ADAMTS6: variants seen among roughly 807,000 people sequenced by gnomAD.
ADAMTS6 encodes the protein A disintegrin and metalloproteinase with thrombospondin motifs 6.
ADAMTS6 carries 23 observed loss-of-function variants against 144.3 expected under a neutral mutation model. That is an observed-to-expected ratio of 0.16 (90% CI 0.11 to 0.23). The LOEUF is 0.23. Among genes scored for constraint, ADAMTS6 ranks in the 10% least tolerant of loss-of-function variants. The pLI is 1.00. For missense variants in ADAMTS6, 999 were observed against 1,379.6 expected, an observed-to-expected ratio of 0.72 and a Z score of 4.37; for synonymous variants, 444 against 457.5, an observed-to-expected ratio of 0.97 and a Z score of 0.38.
At chr5:65,373,352 A>T (rs201137540) in intron 7 of ADAMTS6, among the ~76,000 whole-genome samples, 11 of 149,054 alleles carry the variant, frequency 7.4e-5, no homozygotes, top group African/African-American at 2.5e-4. Flanking sequence ...AAAATTGATA[A>T]ACAGCTAGCA....
At chr5:65,343,429 A>T (rs1315139149) in intron 7 of ADAMTS6, among the ~76,000 whole-genome samples, 5 of 152,124 alleles carry the variant, frequency 3.3e-5, no homozygotes, top group Admixed American at 1.3e-4. Context: ...AGGTGCCAAG[A>T]ACACTCATTG....
chr5:65,373,731 A>G (rs930944388), intron 7 of ADAMTS6, among the ~76,000 whole-genome samples: 3 of 152,220 alleles, frequency 2.0e-5, no homozygotes, highest in African/African-American at 7.2e-5. Context: ...CAATAGAAAT[A>G]GAGGGAATCC....
At chr5:65,159,323 G>GT (rs894025007) in intron 24 of ADAMTS6, among the ~76,000 whole-genome samples, 12 of 151,738 alleles carry the variant, frequency 7.9e-5, no homozygotes, top group African/African-American at 2.4e-4. Flanking sequence ...TCAAACCCCA[G>GT]TTTTTTTTCA....
intron 11 of ADAMTS6, among the ~76,000 whole-genome samples, chr5:65,285,059 G>C (rs1303247038): frequency 6.6e-6 from 1 of 152,110 alleles, no homozygotes; most frequent in East Asian, 1.9e-4. Flanking sequence ...AAGAGAAAAG[G>C]GAAAAGAGGA....
intron 9 of ADAMTS6, among the ~76,000 whole-genome samples, chr5:65,309,100 C>A (rs1744224476): frequency 6.6e-6 from 1 of 151,416 alleles, no homozygotes; most frequent in Non-Finnish European, 1.5e-5. Context: ...AACTTTTCCA[C>A]AGACCAGGGT....
chr5:65,321,311 C>CT (rs1184482150), intron 9 of ADAMTS6, among the ~76,000 whole-genome samples: 1 of 151,866 alleles, frequency 6.6e-6, no homozygotes, highest in Non-Finnish European at 1.5e-5. Context: ...TGATGTTGAG[C>CT]TTTTTTTTCA....
chr5:65,224,511 C>T, intron 17 of ADAMTS6, 111 bp from the exon 18 acceptor site: 3 of 951,236 alleles, frequency 3.2e-6, no homozygotes, highest in South Asian at 1.5e-5. Flanking sequence ...TTTGACTTTG[C>T]ATTTTATGAA....
chr5:65,181,131 T>C (rs1321269137), intron 22 of ADAMTS6, among the ~76,000 whole-genome samples: 1 of 152,248 alleles, frequency 6.6e-6, no homozygotes, highest in Non-Finnish European at 1.5e-5. Context: ...TCTTACTAAG[T>C]GTTTTCTGGA....
intron 12 of ADAMTS6, among the ~76,000 whole-genome samples, chr5:65,264,301 C>G (rs1173338718): frequency 6.6e-6 from 1 of 152,292 alleles, no homozygotes; most frequent in Middle Eastern, 3.4e-3. Context: ...CAGCCCCATT[C>G]TCTCTCTTAC....
At chr5:65,479,161 C>T (rs1182502844) in intron 1 of ADAMTS6, among the ~76,000 whole-genome samples, 1 of 152,160 alleles carries the variant, frequency 6.6e-6, no homozygotes, top group Non-Finnish European at 1.5e-5. Context: ...AACAACAATA[C>T]CATGCTCCTT....
At chr5:65,409,794 T>C (rs2886998) in intron 7 of ADAMTS6, among the ~76,000 whole-genome samples, 92,462 of 152,012 alleles carry the variant, frequency 0.61, 29,972 homozygotes, top group African/African-American at 0.84. Flanking sequence ...AAAAGTTTAT[T>C]CACCATGATC....
At chr5:65,278,879 T>C (rs1171559317) in intron 11 of ADAMTS6, among the ~76,000 whole-genome samples, 1 of 152,164 alleles carries the variant, frequency 6.6e-6, no homozygotes, top group Admixed American at 6.5e-5. Context: ...TCATCGTCAT[T>C]TGACTTCTGT....
chr5:65,342,507 T>C (rs62369657), intron 7 of ADAMTS6, among the ~76,000 whole-genome samples: 2 of 152,128 alleles, frequency 1.3e-5, no homozygotes, highest in Non-Finnish European at 2.9e-5. Flanking sequence ...AAATTCAAGA[T>C]GAGATTTGGG....
At chr5:65,202,243 T>A (rs1299279081) in intron 20 of ADAMTS6, among the ~76,000 whole-genome samples, 1 of 152,198 alleles carries the variant, frequency 6.6e-6, no homozygotes, top group African/African-American at 2.4e-5. Context: ...CAAAACTGGA[T>A]GTCCTAAGTA....
At chr5:65,329,531 T>C (rs749253707) in intron 8 of ADAMTS6, 48 bp from the exon 9 acceptor site, 1 of 1,493,522 alleles carries the variant, frequency 6.7e-7, no homozygotes. Context: ...GGTGTTTCAG[T>C]CTTTAAAAGC....
intron 20 of ADAMTS6, among the ~76,000 whole-genome samples, chr5:65,209,288 C>T (rs1223879280): frequency 6.6e-6 from 1 of 152,074 alleles, no homozygotes; most frequent in African/African-American, 2.4e-5. Context: ...CATATAAATT[C>T]GGGAGTCAGT....
At chr5:65,426,341 G>A (rs1314178622) in intron 7 of ADAMTS6, among the ~76,000 whole-genome samples, 2 of 151,460 alleles carry the variant, frequency 1.3e-5, no homozygotes, top group Admixed American at 6.6e-5. Flanking sequence ...TTACAGGTGT[G>A]AGCCATGGTG....
In ADAMTS6 at chr5:65,151,958, G is replaced by C. The variant is rs767037993; in HGVS notation, c.3245-13C>G. On this transcript the variant is annotated splice_polypyrimidine_tract_variant and intron_variant, in intron 24 of 24. Coordinates refer to ENST00000381055, the MANE Select transcript of ADAMTS6 (RefSeq NM_197941.4). ...ACATCTTTGCACTCTAACGAATGGG[G>C]GCAGAAAATGGAAAACAATTAGAGG... is the stretch of plus-strand genomic sequence containing the variant. 3 of 1,599,528 alleles carry C rather than the reference G, an allele frequency of 1.9e-6. No individual in the cohort carries two copies. Among genetic ancestry groups the C allele is most frequent in the Non-Finnish European group, 2.6e-6 (3 of 1,167,636 alleles).
At chr5:65,344,877 C>T (rs1048977998) in intron 7 of ADAMTS6, among the ~76,000 whole-genome samples, 4 of 151,804 alleles carry the variant, frequency 2.6e-5, no homozygotes, top group African/African-American at 7.2e-5. Context: ...AAACTTTCTT[C>T]GGCTAGGTTA....
Sources: gnomAD v4.1 joint callset for allele counts (sites outside exome capture counted in the v4.1 genomes callset) on GRCh38, gnomAD v4.1.1 for gene constraint, MANE v1.5 for transcripts, NCBI Gene and HGNC (gene_info 2026-07-23, HGNC 2026-07-21) for gene names.